DNAJC1: variants seen among roughly 807,000 people sequenced by gnomAD.
DNAJC1 encodes the protein dnaJ homolog subfamily C member 1.
Under a neutral mutation model 76.6 loss-of-function variants are expected in DNAJC1, and 58 were observed. That is an observed-to-expected ratio of 0.76 (90% CI 0.61 to 0.94). The LOEUF is 0.94. Among genes scored for constraint, DNAJC1 ranks in the 40% least tolerant of loss-of-function variants. DNAJC1 has a pLI of 0.00. For missense variants in DNAJC1, 689 were observed against 677.3 expected (o/e 1.02, Z -0.19); for synonymous variants, 258 against 267.9 (o/e 0.96, Z 0.36).
At position 21,759,477 on chromosome 10, in the gene DNAJC1, G is replaced by T; in HGVS notation, c.1289C>A (p.Ser430Tyr). 1 of 1,614,130 alleles carries T rather than the reference G, an allele frequency of 6.2e-7. No individual in the cohort carries two copies. Among genetic ancestry groups the T allele is most frequent in the Non-Finnish European group, 8.5e-7 (1 of 1,180,034 alleles). Residue 430 changes from serine (S) to tyrosine (Y), a missense_variant, in exon 11 of 12, where the codon TCC becomes TAC. By Grantham distance (144) the Ser-to-Tyr change is moderately radical. Transcript: ENST00000376980. ...AGTGGCCCCGGTCTCCTGCTCACCG[G>T]AGTCTCCCTCCTGCTCCTCCTCCGC... Reference protein sequence around the residue: ...VAAEEEQEGDSGEQETGATDA... With the variant: ...VAAEEEQEGDYGEQETGATDA...
intron 9 of DNAJC1, among the ~76,000 whole-genome samples, chr10:21,798,069 A>C (rs1287928426): frequency 6.6e-6 from 1 of 152,226 alleles, no homozygotes; most frequent in Admixed American, 6.5e-5. Context: ...GACAGAAAAC[A>C]ATGCACCTTA....
intron 1 of DNAJC1, among the ~76,000 whole-genome samples, chr10:21,968,397 A>T (rs1405291392): frequency 6.6e-6 from 1 of 152,226 alleles, no homozygotes; most frequent in Non-Finnish European, 1.5e-5. Context: ...ATGTTACCCA[A>T]GATCGTAAAA....
intron 1 of DNAJC1, among the ~76,000 whole-genome samples, chr10:21,993,434 T>C (rs1445589526): frequency 6.6e-6 from 1 of 152,176 alleles, no homozygotes; most frequent in African/African-American, 2.4e-5. Context: ...AGCACACCAA[T>C]TGGGAAGCTC....
intron 9 of DNAJC1, among the ~76,000 whole-genome samples, chr10:21,777,283 A>G (rs570728622): frequency 1.1e-4 from 17 of 152,336 alleles, no homozygotes; most frequent in Non-Finnish European, 2.2e-4. Flanking sequence ...GTAACATAGA[A>G]CACCTAATAG....
intron 8 of DNAJC1, among the ~76,000 whole-genome samples, chr10:21,807,077 A>G (rs905185133): frequency 1.3e-5 from 2 of 152,146 alleles, no homozygotes; most frequent in Non-Finnish European, 2.9e-5. Flanking sequence ...GGTATTAAAC[A>G]ATACTCCAGT....
chr10:21,779,301 A>C (rs1274210777), intron 9 of DNAJC1, among the ~76,000 whole-genome samples: 1 of 152,220 alleles, frequency 6.6e-6, no homozygotes, highest in Non-Finnish European at 1.5e-5. Flanking sequence ...TGCCTCCTCA[A>C]GTGAGTCCCT....
intron 1 of DNAJC1, among the ~76,000 whole-genome samples, chr10:21,938,233 TA>T (rs1837345856): frequency 6.6e-6 from 1 of 151,134 alleles, no homozygotes; most frequent in South Asian, 2.1e-4. Context: ...ATTTTTAAAG[TA>T]AAAAACAAAT....
chr10:21,816,987 T>C (rs1459212041), intron 8 of DNAJC1, among the ~76,000 whole-genome samples: 1 of 145,704 alleles, frequency 6.9e-6, no homozygotes, highest in Non-Finnish European at 1.5e-5. Flanking sequence ...ACCCCGTCTC[T>C]ACTAAAAATA....
At position 21,756,764 on chromosome 10, in the gene DNAJC1, A is replaced by AG; in HGVS notation, c.1597-10dup. 1 of 1,612,126 alleles carries AG rather than the reference A, an allele frequency of 6.2e-7. No homozygotes were observed. The highest frequency in any genetic ancestry group is 8.5e-7 in the Non-Finnish European group (1 of 1,179,852). On this transcript the variant is annotated splice_polypyrimidine_tract_variant and intron_variant, in intron 11 of 11. Coordinates refer to ENST00000376980, the MANE Select transcript of DNAJC1 (RefSeq NM_022365.4). Reference sequence around the variant, plus strand: ...CTAGCGATACAGTCTTCCTGTAGGAAGAAAAAAAGAGAGGTGAGAACAGTC... The same window carrying AG: ...CTAGCGATACAGTCTTCCTGTAGGAAGGAAAAAAAGAGAGGTGAGAACAGTC...
chr10:21,911,118 C>A (rs1170539892), intron 6 of DNAJC1, among the ~76,000 whole-genome samples: 2 of 149,900 alleles, frequency 1.3e-5, no homozygotes, highest in African/African-American at 4.9e-5. Context: ...GCAGGCGGGG[C>A]AGGCATTGAT....
At chr10:21,857,223 A>C (rs1253179749) in intron 8 of DNAJC1, among the ~76,000 whole-genome samples, 1 of 152,200 alleles carries the variant, frequency 6.6e-6, no homozygotes, top group African/African-American at 2.4e-5. Flanking sequence ...AGGGTTTGGC[A>C]TAAGAGTAGA....
At chr10:21,784,025 T>C (rs1834570400) in intron 9 of DNAJC1, among the ~76,000 whole-genome samples, 1 of 152,110 alleles carries the variant, frequency 6.6e-6, no homozygotes, top group African/African-American at 2.4e-5. Flanking sequence ...CCAAAAGCAA[T>C]GGCAACAAAA....
intron 1 of DNAJC1, among the ~76,000 whole-genome samples, chr10:21,945,682 A>G (rs1837492483): frequency 6.6e-6 from 1 of 152,198 alleles, no homozygotes; most frequent in African/African-American, 2.4e-5. Flanking sequence ...CACGGCCAAT[A>G]AAAGTTGAGA....
intron 1 of DNAJC1, among the ~76,000 whole-genome samples, 169 bp from the exon 2 acceptor site, chr10:21,929,310 A>G (rs1837182792): frequency 6.6e-6 from 1 of 152,218 alleles, no homozygotes; most frequent in Admixed American, 6.5e-5. Flanking sequence ...CCTGACCCAC[A>G]TGACTGAACA....
chr10:21,934,621 A>C (rs191716502), intron 1 of DNAJC1, among the ~76,000 whole-genome samples: 1 of 152,304 alleles, frequency 6.6e-6, no homozygotes, highest in Admixed American at 6.5e-5. Context: ...ATACACAAAT[A>C]CTTTTGTGTT....
At chr10:21,783,052 G>T (rs576722715) in intron 9 of DNAJC1, among the ~76,000 whole-genome samples, 3 of 152,262 alleles carry the variant, frequency 2.0e-5, no homozygotes, top group South Asian at 4.2e-4. Context: ...TCTGGCCAGG[G>T]CAATCAGGCA....
chr10:21,915,318 C>T lies in DNAJC1; in HGVS notation c.729+3461G>A, dbSNP rs147715410. On this transcript the variant is annotated intron_variant, in intron 6 of 11. Coordinates refer to ENST00000376980, the MANE Select transcript of DNAJC1 (RefSeq NM_022365.4). ...ATCCCACTTTCCCAATCTTACCAGACGACCTTATGTATGTGAAGCGTAGCA... is the reference window on the plus strand; with the variant it reads ...ATCCCACTTTCCCAATCTTACCAGATGACCTTATGTATGTGAAGCGTAGCA... Among the ~76,000 whole-genome samples the T allele has an allele frequency of 1.1e-4, 17 of 152,250 alleles. No individual in the cohort carries two copies. The East Asian group carries it at 2.9e-3, about 26-fold the overall frequency.
intron 11 of DNAJC1, among the ~76,000 whole-genome samples, chr10:21,758,185 G>A (rs1834198122): frequency 1.3e-5 from 2 of 152,090 alleles, no homozygotes; most frequent in South Asian, 4.1e-4. Flanking sequence ...CCATGAGCTG[G>A]ATTTTCCAAC....
intron 1 of DNAJC1, among the ~76,000 whole-genome samples, chr10:21,992,216 C>T (rs1226701696): frequency 6.6e-6 from 1 of 152,190 alleles, no homozygotes; most frequent in Non-Finnish European, 1.5e-5. Context: ...GAGGCTGAGA[C>T]AGGAGAATTG....
Sources: allele counts gnomAD v4.1 joint callset (sites outside exome capture counted in the v4.1 genomes callset), GRCh38; gene constraint gnomAD v4.1.1; transcripts MANE v1.5; gene names NCBI Gene and HGNC (gene_info 2026-07-23, HGNC 2026-07-21).